IL18BP: variants seen among roughly 807,000 people sequenced by gnomAD.
The protein encoded by IL18BP is interleukin-18-binding protein.
In IL18BP, 23 loss-of-function variants were observed where a neutral mutation model predicts 19.9. The ratio of observed to expected loss-of-function variants is 1.15; its 90% confidence interval spans 0.83 to 1.64. The LOEUF (loss-of-function observed/expected upper bound fraction) is 1.64, where lower values mean the gene tolerates loss of function less well. Among genes scored for constraint, IL18BP ranks in the 40% most tolerant of loss-of-function variants. The pLI is 0.00. For synonymous variants in IL18BP, 107 were observed against 101.0 expected, an observed-to-expected ratio of 1.06 and a Z score of -0.35; for missense variants, 239 against 240.7, an observed-to-expected ratio of 0.99 and a Z score of 0.05.
At chr11:72,005,851 A>G (rs1590858025), downstream of IL18BP, 1 of 604,842 alleles carries the variant, frequency 1.7e-6, no homozygotes, top group East Asian at 2.8e-5. Context: ...TGCCCCCAAC[A>G]CAGCCAGCCC....
chr11:72,000,216 T>G, intron 2 of IL18BP, 135 bp from the exon 3 acceptor site: 1 of 892,314 alleles, frequency 1.1e-6, no homozygotes, highest in Non-Finnish European at 1.8e-6. Context: ...GGCTAAGGGG[T>G]GGGTGCTGAG....
At chr11:72,007,425 G>A (rs765367789), downstream of IL18BP, 51 of 1,613,336 alleles carry the variant, frequency 3.2e-5, no homozygotes, top group Middle Eastern at 1.7e-4. Context: ...GGCTGGGTAC[G>A]AGGCAGCTTG....
chr11:72,003,988 T>C, downstream of IL18BP: 1 of 1,613,110 alleles, frequency 6.2e-7, no homozygotes, highest in Non-Finnish European at 8.5e-7. Context: ...CTGCGAGTGT[T>C]GGGGGAAGCC....
intron 2 of IL18BP, 151 bp downstream of exon 2, chr11:72,000,163 T>C: frequency 1.1e-6 from 1 of 945,960 alleles, no homozygotes; most frequent in East Asian, 2.5e-5. Context: ...ATATTGTAGC[T>C]CTGGCTCCAG....
intron 2 of IL18BP, 149 bp downstream of exon 2, chr11:72,000,161 G>A: frequency 2.1e-6 from 2 of 947,832 alleles, no homozygotes; most frequent in African/African-American, 1.6e-5. Flanking sequence ...AGATATTGTA[G>A]CTCTGGCTCC....
chr11:72,000,312 G>A, intron 2 of IL18BP, 39 bp from the exon 3 acceptor site: 1 of 1,576,380 alleles, frequency 6.3e-7, no homozygotes, highest in Non-Finnish European at 8.7e-7. Flanking sequence ...AGCCCACTCT[G>A]TCTCCAGAGC....
rs1213053470 is a variant in IL18BP, at chr11:71,999,907, C to T, written c.-58-20C>T. Reference sequence around the variant, plus strand: ...AAAAGCGGGAGTGGTTTACCATTCTCCTCCCCCACCTTTCACCAGAGAAGA... The same window carrying T: ...AAAAGCGGGAGTGGTTTACCATTCTTCTCCCCCACCTTTCACCAGAGAAGA... On this transcript the variant is annotated intron_variant, in intron 1 of 5. Transcript: ENST00000393703. The T allele has an allele frequency of 2.7e-6, 4 of 1,498,432 alleles. No homozygotes were observed. The highest frequency in any genetic ancestry group is 2.3e-5 in the East Asian group (1 of 43,970). 92.8% of individuals were successfully genotyped at this position (1,498,432 alleles called of 1,614,324 possible).
Position 72,000,013 on chromosome 11 carries a change from G to C in IL18BP, c.28+1G>C, listed in dbSNP as rs1221833270. The stretch of plus-strand genomic sequence containing the variant: ...ACCATGAGACACAACTGGACACCAG[G>C]TAGGCCTTGGGGCTACGCATGGGCA... On this transcript the variant is annotated splice_donor_variant, in intron 2 of 5. Coordinates refer to ENST00000393703, the MANE Select transcript of IL18BP (RefSeq NM_001039660.2). LOFTEE classifies it high-confidence loss of function. The C allele has an allele frequency of 1.9e-6, 3 of 1,613,792 alleles. No individual in the cohort carries two copies. In the African/African-American group the frequency reaches 4.0e-5, roughly 22 times the overall value.
At chr11:72,003,418 T>A (rs1378261733), downstream of IL18BP, 4 of 1,090,322 alleles carry the variant, frequency 3.7e-6, no homozygotes, top group Non-Finnish European at 5.7e-6. Context: ...GGGGTTTGGC[T>A]ACTGTTGGCC....
chr11:72,003,722 C>A (rs927168828), downstream of IL18BP: 5 of 977,476 alleles, frequency 5.1e-6, no homozygotes, highest in Non-Finnish European at 7.8e-6. Context: ...ATGGGGCCAT[C>A]TGTCTTCTCT....
Position 72,002,084 on chromosome 11 carries a change from C to T in IL18BP, c.*223C>T, listed in dbSNP as rs773065254. The T allele has an allele frequency of 4.8e-5, 31 of 642,412 alleles. No homozygotes were observed. Among genetic ancestry groups the T allele is most frequent in the Non-Finnish European group, 7.2e-5 (26 of 362,454 alleles). The allele number at this position is 642,412 out of a possible 1,614,324, so 39.8% of individuals were successfully genotyped here. ...ATGCCTCCTCCTCCTGCCATTCTCT[C>T]TCCACCTATCCATTAGCCTTCCTAA... On this transcript the variant is annotated 3_prime_UTR_variant, in exon 6 of 6. Transcript: ENST00000393703.
chr11:72,003,715 G>T, downstream of IL18BP: 1 of 980,742 alleles, frequency 1.0e-6, no homozygotes, highest in Non-Finnish European at 1.6e-6. Flanking sequence ...CATGAGAATG[G>T]GGCCATCTGT....
intron 3 of IL18BP, 56 bp downstream of exon 3, chr11:72,000,613 G>A (rs1246197053): frequency 4.1e-6 from 6 of 1,475,376 alleles, no homozygotes; most frequent in Non-Finnish European, 5.6e-6. Flanking sequence ...CCAGGGTCGG[G>A]TTGACTCCTG....
Position 72,001,587 on chromosome 11 carries a change from A to T in IL18BP, c.507+35A>T, listed in dbSNP as rs373908090. ...CCAAGGAGAGGCCTCCAGGAACAGG[A>T]GGAGCTCTGCTTCCATATGTGGGGA... is the stretch of plus-strand genomic sequence containing the variant. On this transcript the variant is annotated intron_variant, in intron 5 of 5. Coordinates refer to ENST00000393703, the MANE Select transcript of IL18BP (RefSeq NM_001039660.2). 1.1e-4 allele frequency: 175 copies of T among 1,601,708 alleles called. No homozygotes were observed. The highest frequency in any genetic ancestry group is 2.9e-5 in the Non-Finnish European group (34 of 1,174,102).
downstream of IL18BP, chr11:72,005,901 G>GGA (rs1740552714): frequency 8.2e-6 from 6 of 735,096 alleles, no homozygotes; most frequent in South Asian, 1.1e-4. Context: ...GCTGCAGGAA[G>GGA]GAGGGGCAGG....
downstream of IL18BP, chr11:72,005,231 A>C: frequency 6.3e-7 from 1 of 1,591,682 alleles, no homozygotes; most frequent in Non-Finnish European, 8.5e-7. Flanking sequence ...CCCAGGCCTC[A>C]CCCTGGACTC....
At chr11:72,004,633 C>T (rs375052003), downstream of IL18BP, 39 of 1,611,112 alleles carry the variant, frequency 2.4e-5, no homozygotes, top group African/African-American at 2.1e-4. Flanking sequence ...GGAGCCACCG[C>T]GCCTACCTCA....
rs950162750 is a variant in IL18BP at position 72,000,458 on chromosome 11, A to T, written c.136A>T (p.Ser46Cys). ...CACAGCTGCCACTGCCTCAGTTAGAAGCACAAAGGACCCCTGCCCCTCCCA... is the reference window on the plus strand; with the variant it reads ...CACAGCTGCCACTGCCTCAGTTAGATGCACAAAGGACCCCTGCCCCTCCCA... ...TTTAATASVR[S>C]TKDPCPSQPP... Residue 46 changes from serine (S) to cysteine (C), a missense_variant, in exon 3 of 6, where the codon AGC becomes TGC. Ser to Cys is a moderately radical substitution (Grantham distance 112). Transcript: ENST00000393703. 1.2e-6 allele frequency: 2 copies of T among 1,613,978 alleles called. No individual in the cohort carries two copies. Among genetic ancestry groups the T allele is most frequent in the Non-Finnish European group, 1.7e-6 (2 of 1,180,026 alleles).
At chr11:72,005,665 C>T (rs908366492), downstream of IL18BP, 11 of 501,124 alleles carry the variant, frequency 2.2e-5, no homozygotes, top group Admixed American at 8.0e-5. Flanking sequence ...AATTAAGGAC[C>T]GGGAATTAAT....
Sources: allele counts gnomAD v4.1 joint callset, GRCh38; gene constraint gnomAD v4.1.1; transcripts MANE v1.5; gene names NCBI Gene and HGNC (gene_info 2026-07-23, HGNC 2026-07-21).